Variants in COL5A2 observed in about 807,000 individuals in gnomAD.
COL5A2 encodes collagen type V alpha 2 chain.
COL5A2 carries 23 observed loss-of-function variants against 208.2 expected under a neutral mutation model. That is an observed-to-expected ratio of 0.11 (90% CI 0.08 to 0.16). The LOEUF is 0.16. Ranked by LOEUF, COL5A2 falls within the 10% of genes least tolerant of loss-of-function variation. The pLI, the probability that COL5A2 is intolerant of heterozygous loss-of-function variation, is 1.00. For missense variants in COL5A2, 1,590 were observed against 1,956.4 expected, an observed-to-expected ratio of 0.81 and a Z score of 3.53; for synonymous variants, 625 against 628.5, an observed-to-expected ratio of 0.99 and a Z score of 0.08.
At chr2:189,231,998 T>C in the COL5A2 span, among the ~76,000 whole-genome samples, 1 of 151,642 alleles carries the variant, frequency 6.6e-6, no homozygotes, top group African/African-American at 2.4e-5. Context: ...TCTGTCCTGC[T>C]CCATTTGGGC....
rs893056028 is a variant in COL5A2, at chr2:189,045,860, A to C, written c.3249T>G (p.Gly1083=). 1.2e-6 allele frequency: 2 copies of C among 1,614,014 alleles called. No homozygotes were observed. Among genetic ancestry groups the C allele is most frequent in the Non-Finnish European group, 1.7e-6 (2 of 1,180,014 alleles). ...CCACAGGGCCAGGAGTTCCAGGGGC[A>C]CCCTGAGAGCCTGGCAGACCTGCAG... The part of the protein sequence containing the change: ...PGPAGLPGSQ[G]APGTPGPVGA... Residue 1083 remains glycine (G), a synonymous_variant, in exon 46 of 54, where the codon GGT becomes GGG. Coordinates refer to ENST00000374866, the MANE Select transcript of COL5A2 (RefSeq NM_000393.5).
chr2:189,043,607 T>C (rs1238695331), intron 47 of COL5A2, among the ~76,000 whole-genome samples: 1 of 152,172 alleles, frequency 6.6e-6, no homozygotes, highest in African/African-American at 2.4e-5. Flanking sequence ...TTAGTTGATA[T>C]TATTATATAA....
At chr2:189,310,617 C>T in the COL5A2 span, among the ~76,000 whole-genome samples, 6 of 152,272 alleles carry the variant, frequency 3.9e-5, no homozygotes, top group East Asian at 7.7e-4. Flanking sequence ...GAAGAGATAA[C>T]TGCACTCCTG....
At chr2:189,095,361 A>G (rs1219309876) in intron 6 of COL5A2, among the ~76,000 whole-genome samples, 1 of 152,122 alleles carries the variant, frequency 6.6e-6, no homozygotes, top group African/African-American at 2.4e-5. Flanking sequence ...AAGATTTGTT[A>G]AACACTTACC....
the COL5A2 span, among the ~76,000 whole-genome samples, chr2:189,364,797 C>G: frequency 6.6e-6 from 1 of 152,022 alleles, no homozygotes; most frequent in Non-Finnish European, 1.5e-5. Context: ...TTCCTCAAAA[C>G]TGCCAACGTC....
intron 1 of COL5A2, among the ~76,000 whole-genome samples, chr2:189,135,409 C>T (rs1687808702): frequency 6.6e-6 from 1 of 152,116 alleles, no homozygotes; most frequent in Non-Finnish European, 1.5e-5. Context: ...TATGAATCTG[C>T]AGAGTACATA....
chr2:189,335,574 TG>T, the COL5A2 span, among the ~76,000 whole-genome samples: 1 of 152,120 alleles, frequency 6.6e-6, no homozygotes, highest in Non-Finnish European at 1.5e-5. Context: ...TATCAATTGA[TG>T]AATGAATTTT....
the COL5A2 span, among the ~76,000 whole-genome samples, chr2:189,359,933 T>A: frequency 3.7e-3 from 559 of 152,234 alleles, 2 homozygotes; most frequent in African/African-American, 0.011. Context: ...TGATCTCAGA[T>A]TTTATGTGAG....
chr2:189,118,676 C>T (rs1361938946), intron 1 of COL5A2, among the ~76,000 whole-genome samples: 1 of 152,134 alleles, frequency 6.6e-6, no homozygotes, highest in African/African-American at 2.4e-5. Flanking sequence ...GCATTATTCC[C>T]TCTGGAGCTC....
At chr2:189,403,334 A>G in the COL5A2 span, among the ~76,000 whole-genome samples, 1 of 152,232 alleles carries the variant, frequency 6.6e-6, no homozygotes, top group Non-Finnish European at 1.5e-5. Flanking sequence ...TTTTCTAAGT[A>G]TAGGATTATG....
At chr2:189,217,508 T>C (rs62183794) in intron 1 of COL5A2, among the ~76,000 whole-genome samples, 12,132 of 152,158 alleles carry the variant, frequency 0.08, 709 homozygotes, top group Non-Finnish European at 0.11. Context: ...GAGATTTGTG[T>C]GTGTGTGTGT....
At position 189,051,424 on chromosome 2, in the gene COL5A2, G is replaced by C; in HGVS notation, c.2827C>G (p.Leu943Val). ...GEPGKEGPPG[L>V]RGDPGSHGRV... ...CCATGAGAGCCAGGGTCCCCACGAAGACCTGGAGGTCCCTCCTTCCCGGGT... is the reference window on the plus strand; with the variant it reads ...CCATGAGAGCCAGGGTCCCCACGAACACCTGGAGGTCCCTCCTTCCCGGGT... Residue 943 changes from leucine (L) to valine (V), a missense_variant, in exon 42 of 54, where the codon CTT becomes GTT. Physicochemically the swap from Leu to Val is conservative, Grantham distance 32 (BLOSUM62 1). Coordinates refer to ENST00000374866, the MANE Select transcript of COL5A2 (RefSeq NM_000393.5). The C allele has an allele frequency of 6.2e-7, 1 of 1,613,724 alleles. No homozygotes were observed. Among genetic ancestry groups the C allele is most frequent in the Non-Finnish European group, 8.5e-7 (1 of 1,179,740 alleles).
chr2:189,190,332 T>C (rs1209845182), intron 1 of COL5A2, among the ~76,000 whole-genome samples: 1 of 152,194 alleles, frequency 6.6e-6, no homozygotes, highest in Non-Finnish European at 1.5e-5. Flanking sequence ...TGAGATTTTA[T>C]AAATGTGCCT....
the COL5A2 span, among the ~76,000 whole-genome samples, chr2:189,403,693 A>G: frequency 6.6e-6 from 1 of 152,080 alleles, no homozygotes; most frequent in Non-Finnish European, 1.5e-5. Flanking sequence ...TTTTGCCTTT[A>G]GTTCTATTTA....
At chr2:189,056,826 A>G in intron 35 of COL5A2, 147 bp downstream of exon 35, 1 of 780,838 alleles carries the variant, frequency 1.3e-6, no homozygotes. Context: ...CCGTGGTTGA[A>G]TCACAGCAGA....
At chr2:189,211,211 C>A (rs1559146844) in intron 1 of COL5A2, among the ~76,000 whole-genome samples, 1 of 152,162 alleles carries the variant, frequency 6.6e-6, no homozygotes, top group Non-Finnish European at 1.5e-5. Flanking sequence ...GGGAGTAACA[C>A]TGTTCGGTAT....
chr2:189,424,207 TA>T, the COL5A2 span, among the ~76,000 whole-genome samples: 1 of 152,112 alleles, frequency 6.6e-6, no homozygotes, highest in Non-Finnish European at 1.5e-5. Flanking sequence ...CTTAACACAA[TA>T]AAGGCCATAG....
intron 1 of COL5A2, among the ~76,000 whole-genome samples, chr2:189,189,227 A>C (rs1688893638): frequency 6.6e-6 from 1 of 152,208 alleles, no homozygotes; most frequent in Admixed American, 6.5e-5. Context: ...TAATAAAAAT[A>C]TTCATCCCTC....
In COL5A2 at chr2:189,034,210, T is replaced by C. The variant is rs1685396864; in HGVS notation, c.4360A>G (p.Asn1454Asp). 6.2e-7 allele frequency: 1 copy of C among 1,613,922 alleles called. No individual in the cohort carries two copies. Among genetic ancestry groups the C allele is most frequent in the Non-Finnish European group, 8.5e-7 (1 of 1,179,884 alleles). The change falls in exon 54 of 54, where the codon AAT (asparagine) becomes GAT (aspartate). Residue 1454 changes from asparagine (N) to aspartate (D), a missense_variant. Asn to Asp is a conservative substitution (Grantham distance 23). Coordinates refer to ENST00000374866, the MANE Select transcript of COL5A2 (RefSeq NM_000393.5). ...IVLQDTCSKRNGNVGKTVFEY... is the reference protein window; with the variant it reads ...IVLQDTCSKRDGNVGKTVFEY... ...AAGACAGTCTTGCCCACATTTCCAT[T>C]CCGCTTCTGAAATTAAATGATGCAA...
Sources: allele counts gnomAD v4.1 joint callset (sites outside exome capture counted in the v4.1 genomes callset), GRCh38; gene constraint gnomAD v4.1.1; transcripts MANE v1.5; gene names NCBI Gene and HGNC (gene_info 2026-07-23, HGNC 2026-07-21).